Variants in SUSD4 observed in about 807,000 individuals in gnomAD.
SUSD4 encodes the protein sushi domain containing 4.
A neutral mutation model predicts 50.5 loss-of-function variants in SUSD4; 41 were observed. The ratio of observed to expected loss-of-function variants is 0.81; its 90% CI spans 0.63 to 1.05. The LOEUF is 1.05. Among genes scored for constraint, SUSD4 ranks in the 50% least tolerant of loss-of-function variants. The probability of loss-of-function intolerance (pLI) is 0.00; values close to 1 mark genes in which losing one functional copy is unlikely to be tolerated. For missense variants in SUSD4, 580 were observed against 634.7 expected, an observed-to-expected ratio of 0.91 and a Z score of 0.93; for synonymous variants, 257 against 257.3, an observed-to-expected ratio of 1.00 and a Z score of 0.01.
chr1:223,365,016 T>G (rs117817753), upstream of SUSD4, among the ~76,000 whole-genome samples: 1,003 of 152,030 alleles, frequency 6.6e-3, 26 homozygotes, highest in East Asian at 0.085. Context: ...CGCGGGGCCC[T>G]CGGAGCCTTG....
intron 2 of SUSD4, among the ~76,000 whole-genome samples, chr1:223,360,976 AAG>A: frequency 6.6e-6 from 1 of 152,350 alleles, no homozygotes; most frequent in East Asian, 1.9e-4. Flanking sequence ...CCTTGGTCTC[AAG>A]CATGGCTAAT....
chr1:223,332,427 A>G lies in SUSD4; in HGVS notation c.148+30851T>C, dbSNP rs1004664819. On this transcript the variant is annotated intron_variant, in intron 2 of 8. Transcript: ENST00000366878. The surrounding 1 kb of genome is among the most constrained non-coding windows in gnomAD (Gnocchi z 4.0). The stretch of plus-strand genomic sequence containing the variant: ...TGGTGAGGTCTCTTACAAAAATTGG[A>G]TATTTACTGCTGCTAGTATCTGTAA... Among the ~76,000 whole-genome samples, 2 of 152,202 alleles carry G rather than the reference A, an allele frequency of 1.3e-5. No homozygotes were observed. The highest frequency in any genetic ancestry group is 2.9e-5 in the Non-Finnish European group (2 of 68,034).
At chr1:223,274,555 G>A (rs1203714502) in intron 3 of SUSD4, among the ~76,000 whole-genome samples, 2 of 152,176 alleles carry the variant, frequency 1.3e-5, no homozygotes, top group African/African-American at 4.8e-5. Context: ...AAAACAGTTG[G>A]TCAAAGAAAA....
chr1:223,307,390 T>C (rs778884348), intron 2 of SUSD4, among the ~76,000 whole-genome samples: 2 of 152,236 alleles, frequency 1.3e-5, no homozygotes, highest in Non-Finnish European at 2.9e-5. Flanking sequence ...TCTCATTTCA[T>C]CCATACAACA....
At chr1:223,287,467 C>G (rs1664219355) in intron 3 of SUSD4, among the ~76,000 whole-genome samples, 1 of 152,136 alleles carries the variant, frequency 6.6e-6, no homozygotes, top group Non-Finnish European at 1.5e-5. Context: ...AAGGAATTGA[C>G]TGGCCAACTA....
At chr1:223,260,249 C>A (rs142330505) in intron 5 of SUSD4, among the ~76,000 whole-genome samples, 1 of 152,168 alleles carries the variant, frequency 6.6e-6, no homozygotes, top group Non-Finnish European at 1.5e-5. Context: ...AGACTGTAAA[C>A]TCTTCAAAAG....
At chr1:223,315,140 C>T (rs974676604) in intron 2 of SUSD4, among the ~76,000 whole-genome samples, 1 of 152,210 alleles carries the variant, frequency 6.6e-6, no homozygotes, top group Non-Finnish European at 1.5e-5. Context: ...TGTCTTTGCT[C>T]ATTCCTGGGT....
intron 3 of SUSD4, among the ~76,000 whole-genome samples, chr1:223,275,857 T>TA (rs2103101074): frequency 6.6e-6 from 1 of 152,276 alleles, no homozygotes; most frequent in Non-Finnish European, 1.5e-5. Flanking sequence ...CGCTGGCCCA[T>TA]CTCTTAGCAG....
intron 3 of SUSD4, 44 bp downstream of exon 3, chr1:223,292,395 C>T (rs540323293): frequency 1.2e-6 from 2 of 1,610,842 alleles, no homozygotes; most frequent in East Asian, 2.2e-5. Context: ...GGCCATGCAA[C>T]TTGAACCACA....
intron 2 of SUSD4, among the ~76,000 whole-genome samples, chr1:223,305,170 A>G (rs1294680582): frequency 6.6e-6 from 1 of 152,036 alleles, no homozygotes; most frequent in Non-Finnish European, 1.5e-5. Context: ...TGCAGGGGAA[A>G]TCTAAGGGCC....
At chr1:223,286,431 A>C (rs1664145041) in intron 3 of SUSD4, among the ~76,000 whole-genome samples, 1 of 151,762 alleles carries the variant, frequency 6.6e-6, no homozygotes, top group African/African-American at 2.4e-5. Flanking sequence ...TTGTATTTTC[A>C]GTAGAGACAG....
In SUSD4 at chr1:223,221,193, A is replaced by T. The variant is rs1659120809; in HGVS notation, c.*999T>A. The T allele has an allele frequency of 5.0e-6, 2 of 400,520 alleles. No individual in the cohort carries two copies. The highest frequency in any genetic ancestry group is 8.8e-6 in the Non-Finnish European group (2 of 226,158). 24.8% of individuals were successfully genotyped at this position (400,520 alleles called of 1,614,324 possible). A position where few individuals can be genotyped will look rare whatever the true frequency, so the allele number is the denominator to read the frequency against. ...ATAAAAGGGGGAAAAATCCAACCTC[A>T]CACTTCTTTTGAAGGTCGGATATGT... On this transcript the variant is annotated 3_prime_UTR_variant, in exon 9 of 9. Coordinates refer to ENST00000366878, the MANE Select transcript of SUSD4 (RefSeq NM_017982.4).
At chr1:223,263,542 G>A (rs1662269799) in intron 5 of SUSD4, 4 of 985,142 alleles carry the variant, frequency 4.1e-6, no homozygotes, top group Non-Finnish European at 4.8e-6. Context: ...TGGAGTGAGG[G>A]GAGTTCTAAT....
rs769563860 is a variant in SUSD4, at chr1:223,229,626, G to A, written c.725-238C>T. Among the ~76,000 whole-genome samples, 12 of 152,144 alleles carry A rather than the reference G, an allele frequency of 7.9e-5. No homozygotes were observed. The highest frequency in any genetic ancestry group is 1.3e-4 in the Admixed American group (2 of 15,286). On this transcript the variant is annotated intron_variant, in intron 5 of 8. Coordinates refer to ENST00000366878, the MANE Select transcript of SUSD4 (RefSeq NM_017982.4). The surrounding 1 kb of genome is among the most constrained non-coding windows in gnomAD (Gnocchi z 4.7). ...GTGACATGGCATTGTGAAGTACATC[G>A]TAAAAGAGAGGTTCGTTTTACAATG...
intron 2 of SUSD4, among the ~76,000 whole-genome samples, chr1:223,304,801 T>A (rs1665423862): frequency 5.2e-4 from 1 of 1,906 alleles, no homozygotes; most frequent in Non-Finnish European, 1.4e-3. Flanking sequence ...TCCATATATA[T>A]ATATATATAT....
intron 4 of SUSD4, among the ~76,000 whole-genome samples, chr1:223,265,794 T>C (rs566336996): frequency 8.4e-4 from 128 of 152,308 alleles, no homozygotes; most frequent in South Asian, 5.8e-3. Flanking sequence ...GCAGTTTCAC[T>C]GGAGAGAATA....
At chr1:223,364,397 C>A (rs1450191396), upstream of SUSD4, among the ~76,000 whole-genome samples, 2 of 147,460 alleles carry the variant, frequency 1.4e-5, no homozygotes, top group Admixed American at 6.7e-5. The surrounding 1 kb of genome is among the most constrained non-coding windows in gnomAD (Gnocchi z 4.5). Context: ...GCGAGGGGTG[C>A]GCGGGCGCGC....
At chr1:223,339,120 G>C (rs1159284857) in intron 2 of SUSD4, among the ~76,000 whole-genome samples, 3 of 152,282 alleles carry the variant, frequency 2.0e-5, no homozygotes, top group South Asian at 4.2e-4. Flanking sequence ...AGTCACAGGA[G>C]GAGACCGTTT....
chr1:223,223,653 C>T, intron 7 of SUSD4, 22 bp from the exon 8 acceptor site: 3 of 1,575,334 alleles, frequency 1.9e-6, no homozygotes, highest in Non-Finnish European at 2.6e-6. Context: ...AAAGAAGTGC[C>T]AACATGTGAG....
Sources: allele counts gnomAD v4.1 joint callset (sites outside exome capture counted in the v4.1 genomes callset), GRCh38; gene constraint gnomAD v4.1.1; non-coding constraint Gnocchi (gnomAD v3.1); transcripts MANE v1.5; gene names NCBI Gene and HGNC (gene_info 2026-07-23, HGNC 2026-07-21).